The following PSMB7 variants were observed in gnomAD, a reference collection of about 807,000 sequenced individuals.
The protein encoded by PSMB7 is proteasome 20S subunit beta 7, also known as proteasome subunit beta type-7.
A neutral mutation model predicts 28.1 loss-of-function variants in PSMB7; 5 were observed. That is an observed-to-expected ratio of 0.18 (90% confidence interval 0.09 to 0.37). The LOEUF (loss-of-function observed/expected upper bound fraction) is 0.37, where lower values mean the gene tolerates loss of function less well. Among genes scored for constraint, PSMB7 ranks in the 10% least tolerant of loss-of-function variants. PSMB7 has a pLI of 1.00. For missense variants in PSMB7, 275 were observed against 346.2 expected (o/e 0.79, Z 1.63); for synonymous variants, 122 against 123.7 (o/e 0.99, Z 0.09).
chr9:124,353,823 T>A (rs10818946), intron 7 of PSMB7, 114 bp from the exon 8 acceptor site: 7 of 774,022 alleles, frequency 9.0e-6, no homozygotes, highest in Admixed American at 4.8e-5. Context: ...GACTGGAATC[T>A]TGGCTCTCCC....
intron 5 of PSMB7, among the ~76,000 whole-genome samples, chr9:124,401,773 C>CT (rs1830910385): frequency 6.6e-6 from 1 of 152,156 alleles, no homozygotes; most frequent in Admixed American, 6.5e-5. Context: ...GTAATCCTAG[C>CT]ACTTTGGGAG....
chr9:124,353,931 C>T (rs185805559), intron 7 of PSMB7, among the ~76,000 whole-genome samples: 1 of 152,078 alleles, frequency 6.6e-6, no homozygotes, highest in Non-Finnish European at 1.5e-5. Context: ...TTAGTGAACA[C>T]GGCACCTGGC....
intron 4 of PSMB7, among the ~76,000 whole-genome samples, chr9:124,409,795 G>A (rs1030840797): frequency 2.0e-5 from 3 of 152,160 alleles, no homozygotes; most frequent in South Asian, 4.1e-4. Context: ...AGTGCTGTAG[G>A]TGGGAGATGA....
At chr9:124,400,740 G>T (rs1202955048) in intron 5 of PSMB7, among the ~76,000 whole-genome samples, 1 of 112,320 alleles carries the variant, frequency 8.9e-6, no homozygotes, top group Non-Finnish European at 1.8e-5. Flanking sequence ...TCAACTGCTT[G>T]CAACAGAGAA....
intron 5 of PSMB7, chr9:124,396,631 C>A: frequency 2.6e-6 from 1 of 389,470 alleles, no homozygotes; most frequent in South Asian, 2.0e-5. Flanking sequence ...AATGTTTATT[C>A]CTTAAGTCAG....
At chr9:124,397,115 C>T (rs940057020) in intron 5 of PSMB7, among the ~76,000 whole-genome samples, 4 of 152,172 alleles carry the variant, frequency 2.6e-5, no homozygotes, top group Admixed American at 1.3e-4. Flanking sequence ...AACTGAGGTT[C>T]CCATTCTCAC....
intron 5 of PSMB7, among the ~76,000 whole-genome samples, chr9:124,398,896 G>C (rs1830869190): frequency 6.6e-6 from 1 of 151,442 alleles, no homozygotes; most frequent in Admixed American, 6.6e-5. Context: ...AGCAATAATA[G>C]CATCCCTTAC....
intron 6 of PSMB7, 88 bp downstream of exon 6, chr9:124,384,510 C>T (rs747349326): frequency 6.9e-5 from 86 of 1,253,828 alleles, no homozygotes; most frequent in Non-Finnish European, 9.4e-5. Flanking sequence ...TGTACAAGCT[C>T]GGGAGGAATC....
rs1431777925 is a variant in PSMB7, at chr9:124,356,371, A to C, written c.722+393T>G. On this transcript the variant is annotated intron_variant, in intron 7 of 7. Coordinates refer to ENST00000259457, the MANE Select transcript of PSMB7 (RefSeq NM_002799.4). This position sits in a 1 kb window ranked among gnomAD's most constrained non-coding sequence, Gnocchi z 4.4. ...GGGAGGCTGTTAGCATTGCTGACTT[A>C]CACCCAGTTAGGAATCTCGGGGCAC... 2.0e-5 allele frequency among the ~76,000 whole-genome samples: 3 copies of C among 152,170 alleles called. No individual in the cohort carries two copies. Among genetic ancestry groups the C allele is most frequent in the African/African-American group, 7.2e-5 (3 of 41,446 alleles).
At chr9:124,376,772 C>T (rs1830614149) in intron 6 of PSMB7, among the ~76,000 whole-genome samples, 1 of 152,226 alleles carries the variant, frequency 6.6e-6, no homozygotes, top group African/African-American at 2.4e-5. Context: ...CTGAACCCAT[C>T]GGAGGGCTCT....
At chr9:124,394,873 C>T (rs1279108790) in intron 5 of PSMB7, among the ~76,000 whole-genome samples, 1 of 152,158 alleles carries the variant, frequency 6.6e-6, no homozygotes, top group Non-Finnish European at 1.5e-5. Context: ...TGGTTCCCAG[C>T]TGTTTTATTC....
intron 5 of PSMB7, among the ~76,000 whole-genome samples, chr9:124,388,623 T>C (rs924101000): frequency 3.3e-5 from 5 of 152,166 alleles, no homozygotes; most frequent in African/African-American, 1.2e-4. Flanking sequence ...AAAAGTCCTA[T>C]ATGCTACAAT....
At chr9:124,377,313 C>T (rs761531345) in intron 6 of PSMB7, among the ~76,000 whole-genome samples, 2 of 152,194 alleles carry the variant, frequency 1.3e-5, no homozygotes, top group Non-Finnish European at 2.9e-5. Context: ...AGCTCCCAAG[C>T]CCCATGCCCC....
At chr9:124,372,147 C>T (rs1397783049) in intron 6 of PSMB7, among the ~76,000 whole-genome samples, 3 of 152,188 alleles carry the variant, frequency 2.0e-5, no homozygotes, top group Non-Finnish European at 4.4e-5. Flanking sequence ...TCTTTTCTAT[C>T]TACTTTGCCA....
intron 5 of PSMB7, among the ~76,000 whole-genome samples, chr9:124,398,743 A>T (rs907433932): frequency 2.6e-5 from 4 of 152,182 alleles, no homozygotes; most frequent in Admixed American, 6.5e-5. Context: ...GTAGGATGAT[A>T]AAATCACAGC....
intron 6 of PSMB7, among the ~76,000 whole-genome samples, chr9:124,362,625 TAGAA>T (rs1830473273): frequency 6.6e-6 from 1 of 152,140 alleles, no homozygotes; most frequent in African/African-American, 2.4e-5. Flanking sequence ...ACATCTCAGT[TAGAA>T]GGAGTAAGTT....
At chr9:124,414,105 C>T (rs1251889812) in intron 2 of PSMB7, 100 bp from the exon 3 acceptor site, 4 of 667,364 alleles carry the variant, frequency 6.0e-6, no homozygotes, top group Middle Eastern at 3.9e-4. Context: ...ACCACATGCT[C>T]CCCTAATCTC....
intron 6 of PSMB7, among the ~76,000 whole-genome samples, chr9:124,362,265 G>C (rs1383214675): frequency 6.6e-6 from 1 of 152,194 alleles, no homozygotes; most frequent in African/African-American, 2.4e-5. Flanking sequence ...TGTAGCTGAA[G>C]AGCTGGCCTA....
At chr9:124,412,074 G>A (rs10760359) in intron 4 of PSMB7, among the ~76,000 whole-genome samples, 56,096 of 151,892 alleles carry the variant, frequency 0.37, 10,639 homozygotes, top group Non-Finnish European at 0.42. Flanking sequence ...CTTTCTTACC[G>A]TGAACAAAAA....
Sources: gnomAD v4.1 joint callset for allele counts (sites outside exome capture counted in the v4.1 genomes callset) on GRCh38, gnomAD v4.1.1 for gene constraint, Gnocchi (gnomAD v3.1) non-coding constraint, MANE v1.5 for transcripts, NCBI Gene and HGNC (gene_info 2026-07-23, HGNC 2026-07-21) for gene names.